The following SDK1 variants were observed in gnomAD, a reference collection of about 807,000 sequenced individuals.
SDK1 encodes the protein sidekick cell adhesion molecule 1.
SDK1 carries 157 observed loss-of-function variants against 245.5 expected under a neutral mutation model. The observed-to-expected ratio is 0.64, with a 90% CI of 0.56 to 0.73. SDK1 has a LOEUF of 0.73. Among genes scored for constraint, SDK1 ranks in the 30% least tolerant of loss-of-function variants. The probability of loss-of-function intolerance (pLI) is 0.00; values close to 1 mark genes in which losing one functional copy is unlikely to be tolerated. For missense variants in SDK1, 3,583 were observed against 3,002.3 expected, an observed-to-expected ratio of 1.19 and a Z score of -4.52; for synonymous variants, 1,647 against 1,278.5, an observed-to-expected ratio of 1.29 and a Z score of -6.15.
At chr7:3,529,451 C>T (rs1423901761) in intron 1 of SDK1, among the ~76,000 whole-genome samples, 1 of 152,158 alleles carries the variant, frequency 6.6e-6, no homozygotes, top group Non-Finnish European at 1.5e-5. Flanking sequence ...CAGGTCCCAG[C>T]TTGAAGGGAC....
intron 1 of SDK1, among the ~76,000 whole-genome samples, chr7:3,427,862 C>T (rs756217461): frequency 1.8e-5 from 2 of 113,908 alleles, no homozygotes; most frequent in African/African-American, 5.2e-5. Flanking sequence ...TCTTAGATGT[C>T]GTTAGTGTCT....
chr7:3,621,618 G>A (rs1028096147), intron 2 of SDK1, among the ~76,000 whole-genome samples: 13 of 152,158 alleles, frequency 8.5e-5, no homozygotes, highest in African/African-American at 2.9e-4. Context: ...AATTCCCCAA[G>A]AACAGGCCTT....
chr7:3,490,482 A>G (rs147440765), intron 1 of SDK1, among the ~76,000 whole-genome samples: 3 of 152,244 alleles, frequency 2.0e-5, no homozygotes, highest in East Asian at 1.9e-4. Context: ...TGTGTTCTGT[A>G]TATCATTTTA....
At chr7:4,224,512 C>T (rs1785312527) in intron 40 of SDK1, among the ~76,000 whole-genome samples, 1 of 152,196 alleles carries the variant, frequency 6.6e-6, no homozygotes, top group African/African-American at 2.4e-5. Flanking sequence ...CTGCTGTGAT[C>T]CAAACACCTC....
At chr7:3,467,972 G>C (rs1230454707) in intron 1 of SDK1, among the ~76,000 whole-genome samples, 1 of 102,718 alleles carries the variant, frequency 9.7e-6, no homozygotes, top group African/African-American at 2.9e-5. Flanking sequence ...AATCATTGTT[G>C]TCATGTTTTT....
rs1228257852 is a variant in SDK1, at chr7:3,945,893, T to C, written c.848-5030T>C. 1.0e-4 allele frequency among the ~76,000 whole-genome samples: 7 copies of C among 66,678 alleles called. No homozygotes were observed. The Admixed American group carries it at 1.5e-3, about 14-fold the overall frequency. 43.7% of individuals were successfully genotyped at this position (66,678 alleles called of 152,430 possible). A position where few individuals can be genotyped will look rare whatever the true frequency, so the allele number is the denominator to read the frequency against. ...CAGCCTGGGCAACAGAGCAAGACTC[T>C]GTCTGTAAAAAAAAAAAAAAAAAAA... On this transcript the variant is annotated intron_variant, in intron 5 of 44. Transcript: ENST00000404826.
intron 2 of SDK1, among the ~76,000 whole-genome samples, chr7:3,629,923 T>C (rs1057011773): frequency 4.6e-5 from 7 of 151,996 alleles, no homozygotes; most frequent in Admixed American, 1.3e-4. Context: ...TTGCATATGA[T>C]CAAAGTAGAG....
At position 4,145,987 on chromosome 7, in the gene SDK1, G is replaced by A; in HGVS notation, c.4423+71G>A. On this transcript the variant is annotated intron_variant, in intron 29 of 44. Coordinates refer to ENST00000404826, the MANE Select transcript of SDK1 (RefSeq NM_152744.4). ...AGCTTCCTCAATCAGGCCCTCTGGG[G>A]TCTGCGGGGTACCTGGGAGGCTTCG... 4 of 1,367,164 alleles carry A rather than the reference G, an allele frequency of 2.9e-6. 1 individual carries two copies. In the Admixed American group the frequency reaches 6.8e-5, roughly 23 times the overall value. The allele number at this position is 1,367,164 out of a possible 1,614,324, so 84.7% of individuals were successfully genotyped here.
chr7:3,938,376 C>A (rs1014640414), intron 5 of SDK1, among the ~76,000 whole-genome samples: 3 of 152,098 alleles, frequency 2.0e-5, no homozygotes, highest in South Asian at 4.1e-4. Context: ...GGCACGGTGG[C>A]TCATGCCTGT....
intron 4 of SDK1, among the ~76,000 whole-genome samples, chr7:3,749,416 C>T (rs915894596): frequency 2.0e-5 from 3 of 152,226 alleles, no homozygotes; most frequent in Non-Finnish European, 4.4e-5. Context: ...TCCCCTGCCT[C>T]AGCCTCCTGA....
rs115363351 is a variant in SDK1 at position 3,636,968 on chromosome 7, A to T, written c.459-2036A>T. Among the ~76,000 whole-genome samples the T allele has an allele frequency of 1.6e-3, 244 of 152,046 alleles. 2 individuals carry two copies. Among genetic ancestry groups the T allele is most frequent in the African/African-American group, 5.8e-3 (240 of 41,468 alleles). ...GCTCTTTTTCATATACCTGTTGACCATTTCTGTGGCTTTGGAGAAATGTCT... is the reference window on the plus strand; with the variant it reads ...GCTCTTTTTCATATACCTGTTGACCTTTTCTGTGGCTTTGGAGAAATGTCT... On this transcript the variant is annotated intron_variant, in intron 2 of 44. Coordinates refer to ENST00000404826, the MANE Select transcript of SDK1 (RefSeq NM_152744.4).
At chr7:3,600,916 A>C (rs776592730) in intron 1 of SDK1, among the ~76,000 whole-genome samples, 1 of 152,148 alleles carries the variant, frequency 6.6e-6, no homozygotes, top group Non-Finnish European at 1.5e-5. Flanking sequence ...TAATTCGGTG[A>C]ATAGTTTTTA....
In SDK1 at chr7:3,831,669, C is replaced by G. The variant is rs73672198; in HGVS notation, c.847+10086C>G. Among the ~76,000 whole-genome samples, 1,060 of 152,102 alleles carry G rather than the reference C, an allele frequency of 7.0e-3. 12 individuals are homozygous for G. The highest frequency in any genetic ancestry group is 0.024 in the African/African-American group (992 of 41,476). Reference sequence around the variant, plus strand: ...CAGAAAGATGTGATTTGGTTCAAAGCATAATGAAGGCTTATTGTAGTAATA... The same window carrying G: ...CAGAAAGATGTGATTTGGTTCAAAGGATAATGAAGGCTTATTGTAGTAATA... On this transcript the variant is annotated intron_variant, in intron 5 of 44. Transcript: ENST00000404826.
chr7:4,126,892 G>A (rs1182729437), intron 25 of SDK1, among the ~76,000 whole-genome samples: 2 of 152,198 alleles, frequency 1.3e-5, no homozygotes, highest in Non-Finnish European at 2.9e-5. Context: ...ATGCAATTAT[G>A]TAACTGAAGG....
intron 1 of SDK1, among the ~76,000 whole-genome samples, chr7:3,368,536 A>G (rs1270809458): frequency 6.6e-6 from 1 of 152,176 alleles, no homozygotes; most frequent in East Asian, 1.9e-4. Context: ...ATCGGCACGG[A>G]AGGGTTTGGA....
chr7:4,254,876 C>G (rs1168837983), intron 44 of SDK1, among the ~76,000 whole-genome samples: 2 of 152,120 alleles, frequency 1.3e-5, no homozygotes, highest in African/African-American at 4.8e-5. Flanking sequence ...TGCTGCCTAC[C>G]AGGGATGACT....
chr7:3,588,365 T>C (rs542245115), intron 1 of SDK1, among the ~76,000 whole-genome samples: 9 of 152,380 alleles, frequency 5.9e-5, no homozygotes, highest in African/African-American at 1.7e-4. Flanking sequence ...TGTATACTAA[T>C]GAGTAAAGGC....
intron 40 of SDK1, among the ~76,000 whole-genome samples, chr7:4,229,909 A>G (rs1427226217): frequency 6.6e-6 from 1 of 151,970 alleles, no homozygotes; most frequent in Non-Finnish European, 1.5e-5. Context: ...AGCCTGCTGT[A>G]CTAGGCCCTG....
intron 1 of SDK1, among the ~76,000 whole-genome samples, chr7:3,324,022 T>C (rs1381966056): frequency 6.6e-6 from 1 of 152,220 alleles, no homozygotes; most frequent in African/African-American, 2.4e-5. Flanking sequence ...TCATGTTATC[T>C]ATTTCATGTA....
Sources: allele counts gnomAD v4.1 joint callset (sites outside exome capture counted in the v4.1 genomes callset), GRCh38; gene constraint gnomAD v4.1.1; transcripts MANE v1.5; gene names NCBI Gene and HGNC (gene_info 2026-07-23, HGNC 2026-07-21).